Variants in MYOM2 observed in about 807,000 individuals in gnomAD.
The protein encoded by MYOM2 is myomesin-2.
MYOM2 carries 254 observed loss-of-function variants against 187.6 expected under a neutral mutation model. The ratio of observed to expected loss-of-function variants is 1.35; its 90% CI spans 1.22 to 1.50. The LOEUF (loss-of-function observed/expected upper bound fraction) is 1.50, where lower values mean the gene tolerates loss of function less well. Ranked by LOEUF, MYOM2 falls within the 40% of genes most tolerant of loss-of-function variation. The pLI is 0.00. For missense variants in MYOM2, 2,796 were observed against 1,924.0 expected (o/e 1.45, Z -8.48); for synonymous variants, 981 against 753.8 (o/e 1.30, Z -4.94).
intron 15 of MYOM2, 40 bp from the exon 16 acceptor site, chr8:2,092,306 C>G (rs1796331819): frequency 1.9e-6 from 3 of 1,602,016 alleles, no homozygotes; most frequent in Non-Finnish European, 1.7e-6. Flanking sequence ...TTCCAAAGCT[C>G]TGATGCCATT....
chr8:2,070,350 C>T (rs1161824268), intron 8 of MYOM2, among the ~76,000 whole-genome samples: 1 of 152,198 alleles, frequency 6.6e-6, no homozygotes, highest in Non-Finnish European at 1.5e-5. Flanking sequence ...GGTGGAGCCT[C>T]CTGGCAGCTG....
Position 2,093,652 on chromosome 8 carries a change from G to T in MYOM2, c.2004-318G>T, listed in dbSNP as rs531225440. On this transcript the variant is annotated intron_variant, in intron 16 of 36. Transcript: ENST00000262113. ...ACTGCTAATTAAGTTTTACATACACGGGTTCTTTTAGATAAGAAATGGCAT... is the reference window on the plus strand; with the variant it reads ...ACTGCTAATTAAGTTTTACATACACTGGTTCTTTTAGATAAGAAATGGCAT... 1.6e-4 allele frequency among the ~76,000 whole-genome samples: 24 copies of T among 152,216 alleles called. No homozygotes were observed. The South Asian group carries it at 4.6e-3, about 29-fold the overall frequency.
intron 1 of MYOM2, among the ~76,000 whole-genome samples, chr8:2,046,671 T>A (rs1310161565): frequency 6.6e-5 from 10 of 151,898 alleles, no homozygotes; most frequent in African/African-American, 2.4e-4. Flanking sequence ...AGCCTCCCAA[T>A]GCGCCTGAGC....
At chr8:2,077,762 C>G (rs1585862193) in intron 11 of MYOM2, among the ~76,000 whole-genome samples, 1 of 152,186 alleles carries the variant, frequency 6.6e-6, no homozygotes, top group African/African-American at 2.4e-5. Context: ...ACATGAAATT[C>G]AAAGCAACGG....
intron 18 of MYOM2, among the ~76,000 whole-genome samples, chr8:2,097,517 T>G (rs1463232568): frequency 6.6e-6 from 1 of 152,170 alleles, no homozygotes; most frequent in African/African-American, 2.4e-5. Flanking sequence ...TTTATTTATA[T>G]ATTTATTTAG....
chr8:2,079,013 C>T, intron 12 of MYOM2, 80 bp downstream of exon 12: 3 of 1,407,644 alleles, frequency 2.1e-6, no homozygotes, highest in South Asian at 2.4e-5. Flanking sequence ...CTCTTTCCCT[C>T]CCAACTCGAT....
In MYOM2 at chr8:2,086,314, TCGTGATCTCTGCGTGGCCC is replaced by T. The variant is rs1796046070; in HGVS notation, c.1644+926_1644+944del. On this transcript the variant is annotated intron_variant, in intron 14 of 36. Transcript: ENST00000262113. ...GTGATCTCCGCGTGGCCCCCCACAG[TCGTGATCTCTGCGTGGCCC>T]CCCACTGTTGTGATCTCTGCGTGGC... is the stretch of plus-strand genomic sequence containing the variant. Among the ~76,000 whole-genome samples the T allele has an allele frequency of 2.5e-4, 28 of 110,436 alleles. 11 individuals carry two copies. The highest frequency in any genetic ancestry group is 9.6e-4 in the Admixed American group (10 of 10,376). 72.5% of individuals were successfully genotyped at this position (110,436 alleles called of 152,430 possible). A position where few individuals can be genotyped will look rare whatever the true frequency, so the allele number is the denominator to read the frequency against.
chr8:2,102,346 G>T (rs2116783974), intron 20 of MYOM2: 1 of 245,198 alleles, frequency 4.1e-6, no homozygotes, highest in Non-Finnish European at 8.0e-6. Flanking sequence ...AATAGTATTT[G>T]GTTCCACAGA....
chr8:2,049,761 G>A (rs560109321), intron 1 of MYOM2, among the ~76,000 whole-genome samples: 2 of 152,200 alleles, frequency 1.3e-5, no homozygotes, highest in Non-Finnish European at 2.9e-5. Flanking sequence ...TAACTTTGCC[G>A]TGATGATCAA....
Position 2,057,226 on chromosome 8 carries a change from C to G in MYOM2, c.264-122C>G, listed in dbSNP as rs1453252121. On this transcript the variant is annotated intron_variant, in intron 3 of 36. Transcript: ENST00000262113. ...GAGCAGAAGTAGCATTTCTCCTGTTCTCTTCTTGAACGCACTTAAGGAAAC... is the reference window on the plus strand; with the variant it reads ...GAGCAGAAGTAGCATTTCTCCTGTTGTCTTCTTGAACGCACTTAAGGAAAC... The G allele has an allele frequency of 3.5e-6, 4 of 1,133,790 alleles. No homozygotes were observed. The South Asian group carries it at 5.3e-5, about 15-fold the overall frequency. 70.2% of individuals were successfully genotyped at this position (1,133,790 alleles called of 1,614,324 possible). A position where few individuals can be genotyped will look rare whatever the true frequency, so the allele number is the denominator to read the frequency against.
At position 2,092,470 on chromosome 8, in the gene MYOM2, C is replaced by G. The variant is rs2235122; in HGVS notation, c.1953C>G (p.Ala651=). 9 of 1,613,842 alleles carry G rather than the reference C, an allele frequency of 5.6e-6. No homozygotes were observed. In the African/African-American group the frequency reaches 8.0e-5, roughly 14 times the overall value. Reference sequence around the variant, plus strand: ...GCTACTACGTGGACTGCTGTGTGGCCGGAACCAACCTCTGGGAGCCCTGCA... The same window carrying G: ...GCTACTACGTGGACTGCTGTGTGGCGGGAACCAACCTCTGGGAGCCCTGCA... ...LLGYYVDCCV[A]GTNLWEPCNH... is the part of the protein sequence containing the mutation. The change falls in exon 16 of 37, where the codon GCC becomes GCG. Residue 651 remains alanine, a synonymous_variant. Coordinates refer to ENST00000262113, the MANE Select transcript of MYOM2 (RefSeq NM_003970.4).
chr8:2,071,261 C>T (rs1327462754), intron 8 of MYOM2, among the ~76,000 whole-genome samples: 1 of 152,128 alleles, frequency 6.6e-6, no homozygotes, highest in Non-Finnish European at 1.5e-5. Context: ...TCCCAAAGTG[C>T]TGGGATTACA....
At chr8:2,141,058 A>G in intron 33 of MYOM2, 83 bp from the exon 34 acceptor site, 1 of 1,410,476 alleles carries the variant, frequency 7.1e-7, no homozygotes, top group East Asian at 2.3e-5. Flanking sequence ...TTCATGAACC[A>G]GATTCACTGG....
chr8:2,069,254 T>C lies in MYOM2; in HGVS notation c.654-24T>C, dbSNP rs182307950. ...CTTTTACACAACAGTCCCGCAGACT[T>C]TCTCTTGTTTTTTTCTCTCCAAGGG... On this transcript the variant is annotated intron_variant, in intron 6 of 36. Transcript: ENST00000262113. The C allele has an allele frequency of 1.2e-4, 191 of 1,599,472 alleles. 1 individual carries two copies. The African/African-American group carries it at 2.3e-3, about 19-fold the overall frequency.
intron 1 of MYOM2, among the ~76,000 whole-genome samples, chr8:2,049,089 C>T (rs1277836046): frequency 6.6e-6 from 1 of 152,190 alleles, no homozygotes; most frequent in Non-Finnish European, 1.5e-5. Context: ...CTGCGCCCGG[C>T]TGCTTTTATT....
intron 6 of MYOM2, among the ~76,000 whole-genome samples, chr8:2,064,553 C>T (rs1818952555): frequency 6.6e-6 from 1 of 152,178 alleles, no homozygotes; most frequent in Non-Finnish European, 1.5e-5. Flanking sequence ...CTGCGGGAGG[C>T]CAAGCGGATG....
At chr8:2,127,013 G>A (rs969454338) in intron 31 of MYOM2, among the ~76,000 whole-genome samples, 3 of 151,916 alleles carry the variant, frequency 2.0e-5, no homozygotes, top group South Asian at 2.1e-4. Context: ...GAGGCTGATA[G>A]AGGCTGGGGG....
At chr8:2,133,895 A>G (rs754950577) in intron 32 of MYOM2, among the ~76,000 whole-genome samples, 49 of 150,618 alleles carry the variant, frequency 3.3e-4, no homozygotes, top group Middle Eastern at 6.8e-3. Flanking sequence ...ATAATTTTAG[A>G]CTCATAGAAA....
At chr8:2,113,178 G>C (rs1009488026) in intron 25 of MYOM2, among the ~76,000 whole-genome samples, 1 of 152,230 alleles carries the variant, frequency 6.6e-6, no homozygotes, top group Non-Finnish European at 1.5e-5. Context: ...CGGTGGCATG[G>C]CTGGGGCGAG....
Sources: gnomAD v4.1 joint callset for allele counts (sites outside exome capture counted in the v4.1 genomes callset) on GRCh38, gnomAD v4.1.1 for gene constraint, MANE v1.5 for transcripts, NCBI Gene and HGNC (gene_info 2026-07-23, HGNC 2026-07-21) for gene names.